The following CCDC178 variants were observed in gnomAD, a reference collection of about 807,000 sequenced individuals.
CCDC178 encodes the protein coiled-coil domain-containing protein 178.
CCDC178 carries 126 observed loss-of-function variants against 117.4 expected under a neutral mutation model. The ratio of observed to expected loss-of-function variants is 1.07; its 90% CI spans 0.93 to 1.24. CCDC178 has a LOEUF of 1.24. Ranked by LOEUF, CCDC178 falls within the 50% of genes most tolerant of loss-of-function variation. The pLI, the probability that CCDC178 is intolerant of heterozygous loss-of-function variation, is 0.00. For synonymous variants in CCDC178, 283 were observed against 313.4 expected (o/e 0.90, Z 1.02); for missense variants, 1,030 against 986.9 (o/e 1.04, Z -0.59).
intron 3 of CCDC178, among the ~76,000 whole-genome samples, chr18:33,401,937 C>A (rs981015877): frequency 2.3e-4 from 35 of 151,946 alleles, no homozygotes; most frequent in African/African-American, 7.2e-4. Context: ...TAAAGTAGAG[C>A]AATTGTGGTC....
At chr18:32,945,408 A>G (rs1269733925) in intron 22 of CCDC178, among the ~76,000 whole-genome samples, 1 of 152,240 alleles carries the variant, frequency 6.6e-6, no homozygotes, top group African/African-American at 2.4e-5. Flanking sequence ...GACTAGGAAA[A>G]GAGGCTTATA....
At chr18:32,973,960 G>A (rs1856435782) in intron 22 of CCDC178, among the ~76,000 whole-genome samples, 1 of 151,918 alleles carries the variant, frequency 6.6e-6, no homozygotes, top group Non-Finnish European at 1.5e-5. Context: ...TATTTAATGT[G>A]GGTTTCTAAA....
At chr18:33,174,501 T>G (rs892083297) in intron 20 of CCDC178, among the ~76,000 whole-genome samples, 8 of 152,136 alleles carry the variant, frequency 5.3e-5, no homozygotes, top group African/African-American at 1.7e-4. Context: ...GGACTATGAA[T>G]GAGGACAGAG....
At chr18:33,220,517 T>C (rs1241071547) in intron 18 of CCDC178, among the ~76,000 whole-genome samples, 2 of 152,042 alleles carry the variant, frequency 1.3e-5, no homozygotes, top group Non-Finnish European at 2.9e-5. Flanking sequence ...ACATAGTAGG[T>C]ATTGGCATGC....
intron 20 of CCDC178, among the ~76,000 whole-genome samples, chr18:33,161,795 C>A (rs913717041): frequency 1.4e-4 from 21 of 152,238 alleles, no homozygotes; most frequent in Middle Eastern, 3.4e-3. Flanking sequence ...ATATGTGCCA[C>A]ATTTTCTTAA....
chr18:33,396,133 A>G (rs1311368932), intron 4 of CCDC178, among the ~76,000 whole-genome samples: 2 of 152,144 alleles, frequency 1.3e-5, no homozygotes, highest in Admixed American at 6.5e-5. Context: ...TCATTAGAAA[A>G]TTAGAAAAAA....
chr18:33,076,369 A>G (rs1338445351), intron 21 of CCDC178, among the ~76,000 whole-genome samples: 1 of 152,190 alleles, frequency 6.6e-6, no homozygotes, highest in African/African-American at 2.4e-5. Flanking sequence ...AGGGGATTCA[A>G]TGTGGTAGTC....
Position 33,279,309 on chromosome 18 carries a change from T to C in CCDC178, c.1177-12012A>G, listed in dbSNP as rs1482475332. Among the ~76,000 whole-genome samples the C allele has an allele frequency of 2.8e-3, 413 of 148,944 alleles. 1 individual carries two copies. Among genetic ancestry groups the C allele is most frequent in the African/African-American group, 9.8e-3 (397 of 40,514 alleles). On this transcript the variant is annotated intron_variant, in intron 12 of 22. Coordinates refer to ENST00000383096, the MANE Select transcript of CCDC178 (RefSeq NM_001105528.4). ...AATCACAAGCATTCTTATACACCAA[T>C]AACAGACAAACAGAGAGCCAAATCA... is the stretch of plus-strand genomic sequence containing the variant.
intron 2 of CCDC178, among the ~76,000 whole-genome samples, chr18:33,431,380 T>C (rs1018055374): frequency 6.6e-6 from 1 of 151,922 alleles, no homozygotes; most frequent in Non-Finnish European, 1.5e-5. Context: ...AACAATTTTT[T>C]AAAAATTCAA....
Position 33,245,375 on chromosome 18 carries a change from T to A in CCDC178, c.1463A>T (p.Lys488Met). The change falls in exon 15 of 23, where the codon AAG becomes ATG. Residue 488 changes from lysine to methionine, a missense_variant. Lys to Met is a moderately conservative substitution (Grantham distance 95). Coordinates refer to ENST00000383096, the MANE Select transcript of CCDC178 (RefSeq NM_001105528.4). The stretch of plus-strand genomic sequence containing the variant: ...CTTGAGATGTTTATCATTCTTTAAC[T>A]TCATTATTGTCAAATATTTTATTTC... ...ESEIKYLTIM[K>M]LKNDKHLKNI... is the part of the protein sequence containing the mutation. 1 of 1,594,270 alleles carries A rather than the reference T, an allele frequency of 6.3e-7. No individual in the cohort carries two copies. Among genetic ancestry groups the A allele is most frequent in the Non-Finnish European group, 8.5e-7 (1 of 1,172,446 alleles).
intron 15 of CCDC178, among the ~76,000 whole-genome samples, chr18:33,230,496 G>A (rs937061435): frequency 6.6e-6 from 1 of 151,970 alleles, no homozygotes; most frequent in Non-Finnish European, 1.5e-5. Flanking sequence ...TATAATATTT[G>A]CCAAATGAAT....
At chr18:32,977,493 C>T (rs768155620) in intron 21 of CCDC178, among the ~76,000 whole-genome samples, 2 of 152,106 alleles carry the variant, frequency 1.3e-5, no homozygotes, top group East Asian at 1.9e-4. Context: ...TATTGTCTAC[C>T]TCAGACCTTA....
chr18:33,112,692 T>C (rs1311118927), intron 20 of CCDC178, among the ~76,000 whole-genome samples: 1 of 151,888 alleles, frequency 6.6e-6, no homozygotes, highest in Non-Finnish European at 1.5e-5. Flanking sequence ...TTAGCTTTAA[T>C]GTCAGGTTCA....
chr18:33,384,360 A>G (rs965315028), intron 5 of CCDC178, among the ~76,000 whole-genome samples: 2 of 152,148 alleles, frequency 1.3e-5, no homozygotes, highest in African/African-American at 4.8e-5. Flanking sequence ...GGAAATCCAG[A>G]GAACTCCAGC....
At chr18:33,404,069 T>C (rs2063747691) in intron 3 of CCDC178, among the ~76,000 whole-genome samples, 1 of 152,100 alleles carries the variant, frequency 6.6e-6, no homozygotes, top group Non-Finnish European at 1.5e-5. Flanking sequence ...GAGGGAAATA[T>C]TCACTTCAGC....
chr18:33,337,228 T>C (rs557962847), intron 9 of CCDC178, among the ~76,000 whole-genome samples: 2 of 152,046 alleles, frequency 1.3e-5, no homozygotes, highest in South Asian at 2.1e-4. Context: ...TATTGATTTG[T>C]GTACATTAAT....
rs776368894 is a variant in CCDC178 at position 33,106,824 on chromosome 18, A to C, written c.2239-13914T>G. ...AGATGTGGAGGAAGAAGCAGGAGAA[A>C]TTTAAAATATGTATGGGAATTGAGA... On this transcript the variant is annotated intron_variant, in intron 20 of 22. Transcript: ENST00000383096. Among the ~76,000 whole-genome samples, 13 of 151,822 alleles carry C rather than the reference A, an allele frequency of 8.6e-5. No homozygotes were observed. The East Asian group carries it at 2.5e-3, about 30-fold the overall frequency.
At chr18:33,009,270 TC>T (rs35619703) in intron 21 of CCDC178, among the ~76,000 whole-genome samples, 1 of 152,090 alleles carries the variant, frequency 6.6e-6, no homozygotes, top group Non-Finnish European at 1.5e-5. Flanking sequence ...TCCAGAGTGA[TC>T]CAATTAAACC....
intron 12 of CCDC178, among the ~76,000 whole-genome samples, chr18:33,290,152 C>A (rs1187806254): frequency 6.6e-6 from 1 of 152,134 alleles, no homozygotes; most frequent in Non-Finnish European, 1.5e-5. Flanking sequence ...ACAATTAGCA[C>A]AGATGGCTAA....
Sources: gnomAD v4.1 joint callset for allele counts (sites outside exome capture counted in the v4.1 genomes callset) on GRCh38, gnomAD v4.1.1 for gene constraint, MANE v1.5 for transcripts, NCBI Gene and HGNC (gene_info 2026-07-23, HGNC 2026-07-21) for gene names.